The following MYO18B variants were observed in gnomAD, a reference collection of about 807,000 sequenced individuals.
The protein encoded by MYO18B is unconventional myosin-XVIIIb.
Under a neutral mutation model 273.0 loss-of-function variants are expected in MYO18B, and 204 were observed. That is an observed-to-expected ratio of 0.75 (90% CI 0.67 to 0.84). The LOEUF is 0.84. Among genes scored for constraint, MYO18B ranks in the 40% least tolerant of loss-of-function variants. The probability of loss-of-function intolerance (pLI) is 0.00; values close to 1 mark genes in which losing one functional copy is unlikely to be tolerated. For missense variants in MYO18B, 3,212 were observed against 3,287.6 expected, an observed-to-expected ratio of 0.98 and a Z score of 0.56; for synonymous variants, 1,330 against 1,305.7, an observed-to-expected ratio of 1.02 and a Z score of -0.40.
Position 26,010,979 on chromosome 22 carries a change from T to G in MYO18B, c.6470+6124T>G, listed in dbSNP as rs537150451. Among the ~76,000 whole-genome samples the G allele has an allele frequency of 5.1e-3, 778 of 151,932 alleles. 6 individuals are homozygous for G. Among genetic ancestry groups the G allele is most frequent in the Non-Finnish European group, 8.1e-3 (553 of 67,972 alleles). On this transcript the variant is annotated intron_variant, in intron 42 of 43. Transcript: ENST00000335473. ...ATACCAAGAAACCTCTGCGTAATGT[T>G]AGGATTCTTATGAGTGTAGATGACA...
chr22:25,919,458 A>G (rs149387982), intron 33 of MYO18B, among the ~76,000 whole-genome samples: 1 of 152,344 alleles, frequency 6.6e-6, no homozygotes, highest in East Asian at 1.9e-4. Flanking sequence ...TCATTGATTC[A>G]TCATGATGAC....
chr22:25,950,488 G>A (rs1481045722), intron 37 of MYO18B, 38 bp downstream of exon 37: 1 of 1,446,062 alleles, frequency 6.9e-7, no homozygotes, highest in Admixed American at 2.0e-5. Context: ...GTATTAGTCA[G>A]GGTTTTCTTA....
chr22:26,012,195 C>A (rs1934969835), intron 42 of MYO18B, among the ~76,000 whole-genome samples: 1 of 152,160 alleles, frequency 6.6e-6, no homozygotes. Context: ...CATGTGAGGG[C>A]TGCTTAAATG....
At chr22:25,810,426 G>T (rs1326022441) in intron 12 of MYO18B, among the ~76,000 whole-genome samples, 1 of 135,828 alleles carries the variant, frequency 7.4e-6, no homozygotes, top group African/African-American at 2.8e-5. Context: ...TTTTTTAATA[G>T]GCTATAATTT....
At chr22:26,014,444 A>G (rs533869566) in intron 42 of MYO18B, among the ~76,000 whole-genome samples, 1 of 152,320 alleles carries the variant, frequency 6.6e-6, no homozygotes, top group African/African-American at 2.4e-5. Context: ...ACTCTCAGGG[A>G]AAGTGCCACA....
At chr22:25,780,004 G>A in intron 8 of MYO18B, 52 bp from the exon 9 acceptor site, 3 of 1,510,310 alleles carry the variant, frequency 2.0e-6, no homozygotes, top group Non-Finnish European at 2.7e-6. Flanking sequence ...TGAGGTGGCA[G>A]TGGCAGCACC....
intron 12 of MYO18B, among the ~76,000 whole-genome samples, chr22:25,820,435 C>G (rs2089233421): frequency 6.6e-6 from 1 of 152,134 alleles, no homozygotes; most frequent in African/African-American, 2.4e-5. Context: ...CCCTCACAAT[C>G]TCTTTCTGAT....
chr22:25,802,564 T>TA (rs2088251688), intron 12 of MYO18B, among the ~76,000 whole-genome samples: 1 of 151,662 alleles, frequency 6.6e-6, no homozygotes, highest in African/African-American at 2.4e-5. Flanking sequence ...TCCTGGCTGA[T>TA]ACAGGAAACC....
the MYO18B span, among the ~76,000 whole-genome samples, chr22:26,047,462 G>A: frequency 6.6e-6 from 1 of 152,136 alleles, no homozygotes; most frequent in Non-Finnish European, 1.5e-5. Flanking sequence ...GTTTAGGGGG[G>A]ATGCTACAAA....
rs1397922313 is a variant in MYO18B at position 25,902,745 on chromosome 22, T to TG, written c.4947+14dup. The stretch of plus-strand genomic sequence containing the variant: ...TTCAGCAGCAGCTGAAGGTAAGGGA[T>TG]GGGGGACACAGAGCTATCTTGGCTC... On this transcript the variant is annotated intron_variant, in intron 30 of 43. Coordinates refer to ENST00000335473, the MANE Select transcript of MYO18B (RefSeq NM_032608.7). The TG allele has an allele frequency of 6.4e-7, 1 of 1,573,622 alleles. No individual in the cohort carries two copies. Among genetic ancestry groups the TG allele is most frequent in the Middle Eastern group, 1.7e-4 (1 of 6,006 alleles).
At chr22:25,887,078 G>A (rs981985764) in intron 25 of MYO18B, among the ~76,000 whole-genome samples, 1 of 152,222 alleles carries the variant, frequency 6.6e-6, no homozygotes, top group Non-Finnish European at 1.5e-5. Context: ...AAAAGTTGCT[G>A]TTTCCTGCTG....
chr22:25,814,248 A>G (rs950278744), intron 12 of MYO18B, among the ~76,000 whole-genome samples: 6 of 143,528 alleles, frequency 4.2e-5, no homozygotes, highest in Non-Finnish European at 7.5e-5. Context: ...AAATAATAAC[A>G]GTAGCTCACA....
rs748357876 is a variant in MYO18B, at chr22:26,004,705, A to G, written c.6333-13A>G. On this transcript the variant is annotated splice_polypyrimidine_tract_variant and intron_variant, in intron 41 of 43. Transcript: ENST00000335473. ...TGTCATTGTGCTGATGGTGTCCTGC[A>G]ATCTTATTCTAGGGATAACGTCTCC... 6.2e-7 allele frequency: 1 copy of G among 1,613,264 alleles called. No homozygotes were observed. Among genetic ancestry groups the G allele is most frequent in the South Asian group, 1.1e-5 (1 of 90,954 alleles).
rs955448162 is a variant in MYO18B, at chr22:25,923,235, C to T, written c.5517+1826C>T. Among the ~76,000 whole-genome samples the T allele has an allele frequency of 4.6e-5, 7 of 152,324 alleles. No individual in the cohort carries two copies. The East Asian group carries it at 5.8e-4, about 13-fold the overall frequency. ...GGGCCCTTCCATCTTGAAAATTCTG[C>T]GACTCTTAGCCATCTCCTTTATCAA... is the stretch of plus-strand genomic sequence containing the variant. On this transcript the variant is annotated intron_variant, in intron 34 of 43. Transcript: ENST00000335473.
chr22:25,953,231 C>G (rs1178877639), intron 38 of MYO18B, among the ~76,000 whole-genome samples: 1 of 152,168 alleles, frequency 6.6e-6, no homozygotes, highest in Non-Finnish European at 1.5e-5. Context: ...TGTCAAAATC[C>G]TTTCACATAA....
intron 36 of MYO18B, among the ~76,000 whole-genome samples, chr22:25,948,468 T>C (rs2092749155): frequency 7.2e-6 from 1 of 139,222 alleles, no homozygotes; most frequent in African/African-American, 2.7e-5. Context: ...CCTTCTTTCT[T>C]TCTTTCTTTC....
intron 42 of MYO18B, among the ~76,000 whole-genome samples, chr22:26,011,447 T>C (rs1401797830): frequency 6.6e-6 from 1 of 152,160 alleles, no homozygotes; most frequent in Non-Finnish European, 1.5e-5. Context: ...TGAAGGGCCT[T>C]ACCTGAAGCA....
intron 21 of MYO18B, among the ~76,000 whole-genome samples, chr22:25,857,315 C>T (rs946675990): frequency 2.6e-5 from 4 of 152,178 alleles, no homozygotes; most frequent in Admixed American, 1.3e-4. Context: ...CCCTCCTCCC[C>T]GCAAAGTGTC....
At chr22:26,031,074 C>T (rs1341874297), downstream of MYO18B, 13 of 396,778 alleles carry the variant, frequency 3.3e-5, no homozygotes, top group Admixed American at 5.7e-4. Flanking sequence ...ATATATGCAT[C>T]CTACAAATGT....
Sources: gnomAD v4.1 joint callset for allele counts (sites outside exome capture counted in the v4.1 genomes callset) on GRCh38, gnomAD v4.1.1 for gene constraint, MANE v1.5 for transcripts, NCBI Gene and HGNC (gene_info 2026-07-23, HGNC 2026-07-21) for gene names.